CFAP299: variants seen among roughly 807,000 people sequenced by gnomAD.
The protein encoded by CFAP299 is cilia and flagella associated protein 299.
In CFAP299, 21 loss-of-function variants were observed where a neutral mutation model predicts 27.0. That is an observed-to-expected ratio of 0.78 (90% CI 0.55 to 1.12). CFAP299 has a LOEUF of 1.12. CFAP299 is among the 50% of genes most tolerant of loss of function. CFAP299 has a pLI of 0.00. For synonymous variants in CFAP299, 104 were observed against 98.1 expected (o/e 1.06, Z -0.36); for missense variants, 310 against 276.6 (o/e 1.12, Z -0.86).
At chr4:80,874,483 C>G (rs971606155) in intron 4 of CFAP299, among the ~76,000 whole-genome samples, 11 of 152,136 alleles carry the variant, frequency 7.2e-5, no homozygotes, top group Non-Finnish European at 1.6e-4. Context: ...ATACCACAGA[C>G]TGTGTAATTT....
intron 2 of CFAP299, among the ~76,000 whole-genome samples, chr4:80,431,071 C>T (rs1248017978): frequency 6.6e-6 from 1 of 152,318 alleles, no homozygotes; most frequent in East Asian, 1.9e-4. Context: ...GCTGTCTCTT[C>T]CTTATCTATA....
intron 3 of CFAP299, among the ~76,000 whole-genome samples, chr4:80,615,804 C>T (rs1738242208): frequency 6.6e-6 from 1 of 152,126 alleles, no homozygotes; most frequent in Admixed American, 6.6e-5. Context: ...CTCTGCAAGC[C>T]CTTTCAGAGA....
intron 3 of CFAP299, among the ~76,000 whole-genome samples, chr4:80,647,931 C>T (rs986238458): frequency 2.9e-4 from 44 of 152,198 alleles, no homozygotes; most frequent in African/African-American, 1.0e-3. Flanking sequence ...GCAGCACACA[C>T]CTGCAGTTTC....
At chr4:80,457,975 C>G (rs143790102) in intron 2 of CFAP299, among the ~76,000 whole-genome samples, 117 of 152,280 alleles carry the variant, frequency 7.7e-4, no homozygotes, top group African/African-American at 2.8e-3. Flanking sequence ...ATTAATCCAT[C>G]TCTTGTTTTT....
chr4:80,944,711 C>T (rs2110230931), intron 4 of CFAP299, 99 bp from the exon 5 acceptor site: 3 of 837,558 alleles, frequency 3.6e-6, no homozygotes, highest in Non-Finnish European at 5.6e-6. Flanking sequence ...TTTGTATCCA[C>T]TTATCTTATG....
At chr4:80,556,743 G>C (rs537778532) in intron 2 of CFAP299, among the ~76,000 whole-genome samples, 1 of 151,946 alleles carries the variant, frequency 6.6e-6, no homozygotes, top group East Asian at 1.9e-4. Context: ...AGGATCACAA[G>C]TTACTATAAA....
chr4:80,398,291 C>T (rs1448349773), intron 2 of CFAP299, among the ~76,000 whole-genome samples: 1 of 152,062 alleles, frequency 6.6e-6, no homozygotes, highest in Non-Finnish European at 1.5e-5. Context: ...CAATGCTGTC[C>T]CCATCAAGCT....
At chr4:80,333,520 G>A (rs1348273947), upstream of CFAP299, among the ~76,000 whole-genome samples, 4 of 152,076 alleles carry the variant, frequency 2.6e-5, no homozygotes, top group Non-Finnish European at 4.4e-5. Context: ...ACCAAAGTAT[G>A]TTTTCCTTTC....
chr4:80,629,248 C>T (rs1739080656), intron 3 of CFAP299, among the ~76,000 whole-genome samples: 1 of 152,064 alleles, frequency 6.6e-6, no homozygotes. Context: ...TCATATGTGG[C>T]ATCTTAAAAA....
chr4:80,488,982 T>C lies in CFAP299; in HGVS notation c.243-94111T>C, dbSNP rs185158817. Reference sequence around the variant, plus strand: ...ACACAAGATCTTCTGCCTGGATCCTTTGTACTGATTCACCTTTAGTGTTGT... The same window carrying C: ...ACACAAGATCTTCTGCCTGGATCCTCTGTACTGATTCACCTTTAGTGTTGT... On this transcript the variant is annotated intron_variant, in intron 2 of 5. Coordinates refer to ENST00000358105, the MANE Select transcript of CFAP299 (RefSeq NM_152770.3). Among the ~76,000 whole-genome samples the C allele has an allele frequency of 3.9e-5, 6 of 152,338 alleles. No homozygotes were observed. In the East Asian group the frequency reaches 1.2e-3, roughly 29 times the overall value.
intron 1 of CFAP299, among the ~76,000 whole-genome samples, chr4:80,360,733 A>G (rs1394608234): frequency 2.0e-5 from 3 of 152,150 alleles, no homozygotes; most frequent in Non-Finnish European, 2.9e-5. Context: ...AGGATATGGA[A>G]TTTTTAAAAA....
intron 1 of CFAP299, among the ~76,000 whole-genome samples, chr4:80,342,916 G>A (rs1201882738): frequency 1.4e-4 from 22 of 152,154 alleles, no homozygotes; most frequent in Admixed American, 7.2e-4. Context: ...TTGCTATGCT[G>A]TATTCAAGAG....
chr4:80,436,048 C>T (rs948967518), intron 2 of CFAP299, among the ~76,000 whole-genome samples: 7 of 152,068 alleles, frequency 4.6e-5, no homozygotes, highest in African/African-American at 1.7e-4. Flanking sequence ...GACAAATATG[C>T]TCCATGTAAG....
intron 4 of CFAP299, among the ~76,000 whole-genome samples, chr4:80,917,187 C>CT (rs1056343990): frequency 6.6e-5 from 10 of 151,634 alleles, no homozygotes; most frequent in African/African-American, 2.2e-4. Context: ...AAGTTTGGGA[C>CT]TTTTTTTTAT....
In CFAP299 at chr4:80,858,510, A is replaced by G. The variant is rs181803624; in HGVS notation, c.334-11483A>G. ...TTTTAATTGTGATGTTGGGGTGTCA[A>G]TTTTGGATCTTTCCTGCTTTCTCCT... On this transcript the variant is annotated intron_variant, in intron 3 of 5. Transcript: ENST00000358105. 3.7e-3 allele frequency among the ~76,000 whole-genome samples: 557 copies of G among 151,888 alleles called. 3 individuals carry two copies. The highest frequency in any genetic ancestry group is 0.013 in the African/African-American group (542 of 41,354).
At chr4:80,859,145 A>T (rs1732140994) in intron 3 of CFAP299, among the ~76,000 whole-genome samples, 1 of 152,096 alleles carries the variant, frequency 6.6e-6, no homozygotes, top group East Asian at 1.9e-4. Flanking sequence ...TGTTGAATTG[A>T]TCCCTTTCCC....
intron 3 of CFAP299, among the ~76,000 whole-genome samples, chr4:80,760,778 T>C (rs1031051149): frequency 1.3e-5 from 2 of 152,008 alleles, no homozygotes; most frequent in Admixed American, 1.3e-4. Flanking sequence ...AAGGTAAAAT[T>C]AAGAGAGTAG....
the CFAP299 span, among the ~76,000 whole-genome samples, chr4:80,328,190 G>GT: frequency 5.3e-5 from 8 of 152,198 alleles, 1 homozygote; most frequent in African/African-American, 1.9e-4. Context: ...CTTTCAATAA[G>GT]TTTTTTTAAT....
chr4:80,435,908 T>C (rs182351618), intron 2 of CFAP299, among the ~76,000 whole-genome samples: 1 of 152,274 alleles, frequency 6.6e-6, no homozygotes, highest in Admixed American at 6.5e-5. Context: ...TTTATTTTAG[T>C]TTATAGGTTG....
Sources: allele counts gnomAD v4.1 joint callset (sites outside exome capture counted in the v4.1 genomes callset), GRCh38; gene constraint gnomAD v4.1.1; transcripts MANE v1.5; gene names NCBI Gene and HGNC (gene_info 2026-07-23, HGNC 2026-07-21).